Variants in HSD17B12 observed in about 807,000 individuals in gnomAD.
HSD17B12 encodes very-long-chain 3-oxoacyl-CoA reductase.
A neutral mutation model predicts 39.3 loss-of-function variants in HSD17B12; 32 were observed. The ratio of observed to expected loss-of-function variants is 0.81; its 90% confidence interval spans 0.61 to 1.09. The LOEUF (loss-of-function observed/expected upper bound fraction) is 1.09, where lower values mean the gene tolerates loss of function less well. Among genes scored for constraint, HSD17B12 ranks in the 50% least tolerant of loss-of-function variants. HSD17B12 has a pLI of 0.00. For synonymous variants in HSD17B12, 150 were observed against 146.7 expected (o/e 1.02, Z -0.16); for missense variants, 342 against 382.9 (o/e 0.89, Z 0.89).
At chr11:43,771,058 G>C (rs1318305584) in intron 3 of HSD17B12, among the ~76,000 whole-genome samples, 1 of 152,158 alleles carries the variant, frequency 6.6e-6, no homozygotes. Flanking sequence ...GATTAGAGAG[G>C]GAGAGAATCA....
chr11:43,700,005 CTG>C (rs1949948750), intron 1 of HSD17B12, among the ~76,000 whole-genome samples: 1 of 152,112 alleles, frequency 6.6e-6, no homozygotes, highest in Non-Finnish European at 1.5e-5. Context: ...CACAATAACT[CTG>C]GAGCTAGAGC....
chr11:43,587,805 C>T, the HSD17B12 span, among the ~76,000 whole-genome samples: 3 of 152,108 alleles, frequency 2.0e-5, no homozygotes, highest in East Asian at 5.8e-4. Context: ...ATCACAATGC[C>T]AGGGCTCACA....
intron 4 of HSD17B12, among the ~76,000 whole-genome samples, chr11:43,802,659 A>G (rs1201339402): frequency 2.0e-5 from 3 of 152,208 alleles, no homozygotes; most frequent in African/African-American, 7.2e-5. Context: ...ATGTTCTGAA[A>G]CATTTCTGAT....
At chr11:43,730,958 T>A (rs560605025) in intron 1 of HSD17B12, among the ~76,000 whole-genome samples, 1 of 152,030 alleles carries the variant, frequency 6.6e-6, no homozygotes, top group Non-Finnish European at 1.5e-5. Flanking sequence ...AGGGTCTCTG[T>A]TTTTGGAGAA....
Position 43,718,734 on chromosome 11 carries a change from A to G in HSD17B12, c.161-32177A>G, listed in dbSNP as rs544122406. Reference sequence around the variant, plus strand: ...CCTCCTAAAGCTGAAGCCAAAGCAAAGGCTTTAAAGGCCAAGAAGGCAGTG... The same window carrying G: ...CCTCCTAAAGCTGAAGCCAAAGCAAGGGCTTTAAAGGCCAAGAAGGCAGTG... On this transcript the variant is annotated intron_variant, in intron 1 of 10. Coordinates refer to ENST00000278353, the MANE Select transcript of HSD17B12 (RefSeq NM_016142.3). 51 of 1,264,854 alleles carry G rather than the reference A, an allele frequency of 4.0e-5. 1 individual carries two copies. The South Asian group carries it at 5.7e-4, about 14-fold the overall frequency. The allele number at this position is 1,264,854 out of a possible 1,614,324, so 78.4% of individuals were successfully genotyped here.
chr11:43,670,771 G>C, the HSD17B12 span, among the ~76,000 whole-genome samples: 1 of 152,134 alleles, frequency 6.6e-6, no homozygotes, highest in African/African-American at 2.4e-5. Context: ...TGTAGTCCTA[G>C]CTACTTGGGA....
At chr11:43,653,386 C>T in the HSD17B12 span, among the ~76,000 whole-genome samples, 668 of 152,016 alleles carry the variant, frequency 4.4e-3, 4 homozygotes, top group African/African-American at 0.015. Context: ...TCTTGGTTGA[C>T]GCAAAAATTT....
chr11:43,677,558 A>G (rs1347782672), upstream of HSD17B12, among the ~76,000 whole-genome samples: 2 of 152,160 alleles, frequency 1.3e-5, no homozygotes, highest in Admixed American at 1.3e-4. Context: ...CGTCATTTAC[A>G]TTAGGTTTAT....
chr11:43,822,175 G>T (rs1284560743), intron 6 of HSD17B12, among the ~76,000 whole-genome samples: 1 of 152,126 alleles, frequency 6.6e-6, no homozygotes, highest in East Asian at 1.9e-4. Context: ...GAAGGAAATG[G>T]ATGGGTGTGC....
chr11:43,812,950 T>G (rs893434061), intron 4 of HSD17B12, among the ~76,000 whole-genome samples: 1 of 152,162 alleles, frequency 6.6e-6, no homozygotes, highest in Non-Finnish European at 1.5e-5. Flanking sequence ...CAAGCAATTC[T>G]CCTACCTCAG....
intron 7 of HSD17B12, among the ~76,000 whole-genome samples, chr11:43,837,053 C>G (rs1951377954): frequency 6.6e-6 from 1 of 152,054 alleles, no homozygotes; most frequent in Non-Finnish European, 1.5e-5. Flanking sequence ...TTCTGTTAAA[C>G]AACAACAACA....
intron 1 of HSD17B12, among the ~76,000 whole-genome samples, chr11:43,727,929 C>G (rs1370000694): frequency 6.6e-6 from 1 of 152,012 alleles, no homozygotes; most frequent in Admixed American, 6.6e-5. Flanking sequence ...TTGTTTGTTT[C>G]ATTTCTGGAA....
chr11:43,755,228 T>C (rs1950498392), intron 3 of HSD17B12: 1 of 190,830 alleles, frequency 5.2e-6, no homozygotes. Flanking sequence ...GTAAAATTAC[T>C]TCTTTGAAAA....
intron 3 of HSD17B12, among the ~76,000 whole-genome samples, chr11:43,786,687 TAAA>T (rs1297515451): frequency 6.6e-6 from 1 of 152,226 alleles, no homozygotes; most frequent in Non-Finnish European, 1.5e-5. Flanking sequence ...TTTCAAAATT[TAAA>T]AAACAACATG....
chr11:43,799,402 T>A (rs1950944823), intron 4 of HSD17B12, among the ~76,000 whole-genome samples: 1 of 152,182 alleles, frequency 6.6e-6, no homozygotes, highest in Non-Finnish European at 1.5e-5. Context: ...TATACCCCTT[T>A]TGTTACATCT....
At chr11:43,585,643 T>C in the HSD17B12 span, among the ~76,000 whole-genome samples, 1 of 152,242 alleles carries the variant, frequency 6.6e-6, no homozygotes, top group Non-Finnish European at 1.5e-5. Flanking sequence ...ATGTAAAGTA[T>C]GGATGAGGCC....
At chr11:43,817,675 G>A (rs1048105687) in intron 6 of HSD17B12, among the ~76,000 whole-genome samples, 21 of 152,132 alleles carry the variant, frequency 1.4e-4, no homozygotes, top group Admixed American at 6.5e-4. Flanking sequence ...TTATTTCTGG[G>A]TTCTCTGTTC....
chr11:43,691,616 G>A (rs1057159591), intron 1 of HSD17B12, among the ~76,000 whole-genome samples: 1 of 152,132 alleles, frequency 6.6e-6, no homozygotes, highest in African/African-American at 2.4e-5. Context: ...TAATCTACCA[G>A]TGAAGCCTCC....
At chr11:43,795,191 T>C (rs1350285760) in intron 3 of HSD17B12, among the ~76,000 whole-genome samples, 2 of 152,122 alleles carry the variant, frequency 1.3e-5, no homozygotes, top group Non-Finnish European at 2.9e-5. Context: ...ACATGCAGGG[T>C]AATAGGCTAT....
Sources: allele counts gnomAD v4.1 joint callset (sites outside exome capture counted in the v4.1 genomes callset), GRCh38; gene constraint gnomAD v4.1.1; transcripts MANE v1.5; gene names NCBI Gene and HGNC (gene_info 2026-07-23, HGNC 2026-07-21).